LRP1B: variants seen among roughly 807,000 people sequenced by gnomAD.
The protein encoded by LRP1B is LDL receptor related protein 1B, also known as low-density lipoprotein receptor-related protein 1B.
In LRP1B, 217 loss-of-function variants were observed where a neutral mutation model predicts 556.6. The ratio of observed to expected loss-of-function variants is 0.39; its 90% CI spans 0.35 to 0.44. The LOEUF is 0.44. Ranked by LOEUF, LRP1B falls within the 20% of genes least tolerant of loss-of-function variation. The pLI is 1.00. For synonymous variants in LRP1B, 2,047 were observed against 1,865.8 expected (o/e 1.10, Z -2.50); for missense variants, 5,053 against 5,620.8 (o/e 0.90, Z 3.23).
At chr2:141,285,924 G>C (rs891003644) in intron 3 of LRP1B, among the ~76,000 whole-genome samples, 1 of 149,610 alleles carries the variant, frequency 6.7e-6, no homozygotes, top group Admixed American at 6.6e-5. Flanking sequence ...AAAATTAGCC[G>C]GGCGTAGTGG....
intron 66 of LRP1B, among the ~76,000 whole-genome samples, chr2:140,421,687 T>G (rs1685451231): frequency 6.6e-6 from 1 of 152,246 alleles, no homozygotes; most frequent in South Asian, 2.1e-4. Context: ...GGGTCTAATG[T>G]AAGTTAAGTA....
chr2:141,630,495 T>G (rs980018466), intron 2 of LRP1B, among the ~76,000 whole-genome samples: 19 of 152,220 alleles, frequency 1.2e-4, no homozygotes, highest in African/African-American at 3.9e-4. Context: ...GTTTTTAAAA[T>G]TTGTTTCATT....
At chr2:141,121,272 A>G (rs1338496475) in intron 7 of LRP1B, among the ~76,000 whole-genome samples, 1 of 152,112 alleles carries the variant, frequency 6.6e-6, no homozygotes, top group Admixed American at 6.6e-5. Flanking sequence ...TGAATCTGAT[A>G]TTTCAGAAAT....
chr2:140,898,868 T>C (rs1694023877), intron 23 of LRP1B: 1 of 424,954 alleles, frequency 2.4e-6, no homozygotes, highest in African/African-American at 2.1e-5. Context: ...CCTGACATAG[T>C]AGGAGAGCTG....
At chr2:141,414,237 CAAA>C (rs775634408) in intron 3 of LRP1B, among the ~76,000 whole-genome samples, 4 of 35,388 alleles carry the variant, frequency 1.1e-4, no homozygotes, top group Admixed American at 2.7e-4. Context: ...GACTCTATCT[CAAA>C]AAAAAAAAAA....
intron 3 of LRP1B, among the ~76,000 whole-genome samples, chr2:141,284,562 G>A (rs766521467): frequency 1.8e-4 from 27 of 152,152 alleles, no homozygotes; most frequent in East Asian, 3.9e-4. Flanking sequence ...CGCACAAAGC[G>A]TAGTTAAAAG....
At chr2:142,129,622 C>G (rs1053068423) in intron 1 of LRP1B, among the ~76,000 whole-genome samples, 1 of 107,336 alleles carries the variant, frequency 9.3e-6, no homozygotes, top group Non-Finnish European at 2.0e-5. Context: ...CTCTCTCTCT[C>G]TCTCTCTCTT....
At chr2:141,213,122 T>TC (rs1423161713) in intron 6 of LRP1B, among the ~76,000 whole-genome samples, 1 of 151,860 alleles carries the variant, frequency 6.6e-6, no homozygotes, top group Non-Finnish European at 1.5e-5. Flanking sequence ...AATTAATTTT[T>TC]TTTTTTTTTT....
intron 1 of LRP1B, among the ~76,000 whole-genome samples, chr2:141,967,785 A>G (rs1162186284): frequency 6.6e-6 from 1 of 151,872 alleles, no homozygotes; most frequent in East Asian, 1.9e-4. Context: ...CTGATTTGCT[A>G]TGTATAGAAA....
intron 17 of LRP1B, among the ~76,000 whole-genome samples, chr2:140,984,995 G>A (rs890886219): frequency 1.3e-5 from 2 of 152,026 alleles, no homozygotes; most frequent in African/African-American, 4.8e-5. Flanking sequence ...GTCTCCATCA[G>A]ATCTAAGTTA....
At chr2:140,368,866 C>T (rs1682871285) in intron 71 of LRP1B, among the ~76,000 whole-genome samples, 1 of 151,758 alleles carries the variant, frequency 6.6e-6, no homozygotes, top group African/African-American at 2.4e-5. Context: ...GTGGTAATGC[C>T]TTAAGGTACA....
chr2:141,462,846 G>A (rs960523960), intron 3 of LRP1B, among the ~76,000 whole-genome samples: 4 of 151,610 alleles, frequency 2.6e-5, no homozygotes, highest in Non-Finnish European at 5.9e-5. Context: ...AAGTAAATAA[G>A]TAATAAAATT....
intron 2 of LRP1B, among the ~76,000 whole-genome samples, chr2:141,682,916 T>G (rs1691155435): frequency 6.6e-6 from 1 of 152,174 alleles, no homozygotes; most frequent in African/African-American, 2.4e-5. Context: ...GCAAATAGAT[T>G]CAGTGTTTGG....
At chr2:142,000,449 C>T (rs1359707665) in intron 1 of LRP1B, among the ~76,000 whole-genome samples, 1 of 152,142 alleles carries the variant, frequency 6.6e-6, no homozygotes, top group Non-Finnish European at 1.5e-5. Flanking sequence ...GTGGTGATTA[C>T]TGTTAACATT....
chr2:140,443,027 A>G (rs2105301844), intron 65 of LRP1B, among the ~76,000 whole-genome samples: 1 of 152,296 alleles, frequency 6.6e-6, no homozygotes, highest in Admixed American at 6.5e-5. Context: ...ATAAGGAAAT[A>G]AAAAGTACAA....
chr2:141,773,226 A>C (rs181544427), intron 2 of LRP1B, among the ~76,000 whole-genome samples: 1 of 152,316 alleles, frequency 6.6e-6, no homozygotes, highest in East Asian at 1.9e-4. Context: ...TTAAGTCCTA[A>C]TTTGACACAA....
At chr2:141,029,857 C>A (rs1269619145) in intron 11 of LRP1B, among the ~76,000 whole-genome samples, 1 of 152,094 alleles carries the variant, frequency 6.6e-6, no homozygotes, top group African/African-American at 2.4e-5. Flanking sequence ...AACTGAAGAT[C>A]CTTTGTTGTG....
At chr2:141,532,738 C>T (rs1684929826) in intron 2 of LRP1B, among the ~76,000 whole-genome samples, 1 of 152,188 alleles carries the variant, frequency 6.6e-6, no homozygotes, top group Non-Finnish European at 1.5e-5. Context: ...GTAATCCCAG[C>T]ACTTTGGGAG....
intron 46 of LRP1B, 39 bp downstream of exon 46, chr2:140,536,542 A>G (rs367857025): frequency 2.5e-6 from 4 of 1,580,076 alleles, no homozygotes; most frequent in Non-Finnish European, 3.4e-6. Context: ...GAATCAGAAA[A>G]CTTTATCTGA....
Sources: allele counts gnomAD v4.1 joint callset (sites outside exome capture counted in the v4.1 genomes callset), GRCh38; gene constraint gnomAD v4.1.1; transcripts MANE v1.5; gene names NCBI Gene and HGNC (gene_info 2026-07-23, HGNC 2026-07-21).